The following ESR1 variants were observed in gnomAD, a reference collection of about 807,000 sequenced individuals.
ESR1 encodes the protein estrogen receptor 1, also known as estrogen receptor.
A neutral mutation model predicts 52.7 loss-of-function variants in ESR1; 12 were observed. That is an observed-to-expected ratio of 0.23 (90% CI 0.15 to 0.37). The LOEUF (loss-of-function observed/expected upper bound fraction) is 0.37. Among genes scored for constraint, ESR1 ranks in the 10% least tolerant of loss-of-function variants. The pLI is 1.00. For synonymous variants in ESR1, 305 were observed against 316.8 expected, an observed-to-expected ratio of 0.96 and a Z score of 0.39; for missense variants, 584 against 779.7, an observed-to-expected ratio of 0.75 and a Z score of 2.99.
chr6:151,931,167 G>A (rs1317352427), intron 3 of ESR1, among the ~76,000 whole-genome samples: 1 of 151,186 alleles, frequency 6.6e-6, no homozygotes, highest in African/African-American at 2.4e-5. Flanking sequence ...TTTCTTTCTG[G>A]TATTCCAATT....
chr6:152,014,186 C>A (rs1360262916), intron 5 of ESR1, among the ~76,000 whole-genome samples: 1 of 152,060 alleles, frequency 6.6e-6, no homozygotes, highest in East Asian at 1.9e-4. Flanking sequence ...TCCATTAAAC[C>A]TTTTTCTTTG....
chr6:152,066,409 C>T (rs1164004681), intron 6 of ESR1, among the ~76,000 whole-genome samples: 1 of 152,196 alleles, frequency 6.6e-6, no homozygotes, highest in African/African-American at 2.4e-5. Context: ...TGACTGTAAA[C>T]ACTGAAAATC....
chr6:151,905,279 G>C (rs1365540383), intron 3 of ESR1, among the ~76,000 whole-genome samples: 1 of 152,130 alleles, frequency 6.6e-6, no homozygotes, highest in Non-Finnish European at 1.5e-5. Context: ...GACAAAAAGA[G>C]GTATGGGCTG....
chr6:151,776,443 G>T (rs1373461706), intron 2 of ESR1, among the ~76,000 whole-genome samples: 11 of 152,238 alleles, frequency 7.2e-5, no homozygotes, highest in African/African-American at 2.7e-4. Context: ...GCTCAAGCCA[G>T]TTATGGAGCT....
Position 151,676,822 on chromosome 6 carries a change from TGCTTATCTC to T in ESR1, n.73+20060_73+20068del, listed in dbSNP as rs1778269290. ...ACATCAACAAGTCCTAGCAGATGGCTGCTTATCTCAAGACACATATATTCACCAAAATCC... is the reference window on the plus strand; with the variant it reads ...ACATCAACAAGTCCTAGCAGATGGCTAAGACACATATATTCACCAAAATCC... On this transcript the variant is annotated intron_variant and non_coding_transcript_variant, in intron 1 of 2. Transcript: ENST00000473497. Among the ~76,000 whole-genome samples, 7 of 152,162 alleles carry T rather than the reference TGCTTATCTC, an allele frequency of 4.6e-5. 1 individual carries two copies. The South Asian group carries it at 1.4e-3, about 31-fold the overall frequency.
intron 5 of ESR1, among the ~76,000 whole-genome samples, chr6:152,037,383 A>C (rs1161621125): frequency 6.6e-6 from 1 of 152,226 alleles, no homozygotes; most frequent in East Asian, 1.9e-4. Flanking sequence ...TGAAAATGCA[A>C]GTACAAATGC....
chr6:151,775,695 G>T (rs1156601019), intron 2 of ESR1, among the ~76,000 whole-genome samples: 1 of 150,376 alleles, frequency 6.6e-6, no homozygotes, highest in Non-Finnish European at 1.5e-5. Flanking sequence ...GCAGTGAGCC[G>T]AGATCGCGCC....
chr6:152,022,271 G>A (rs1050762877), intron 5 of ESR1, among the ~76,000 whole-genome samples: 1 of 152,094 alleles, frequency 6.6e-6, no homozygotes. Context: ...CCAGATTTGC[G>A]GTATTGGCGA....
chr6:151,820,813 G>A (rs1583466094), intron 1 of ESR1, among the ~76,000 whole-genome samples: 4 of 152,154 alleles, frequency 2.6e-5, no homozygotes, highest in African/African-American at 9.6e-5. Context: ...TTAAGTAGGG[G>A]GATGTTTTTC....
At chr6:151,818,844 A>G (rs1030129615) in intron 1 of ESR1, among the ~76,000 whole-genome samples, 1 of 150,844 alleles carries the variant, frequency 6.6e-6, no homozygotes, top group Non-Finnish European at 1.5e-5. Flanking sequence ...CCTGGTATAC[A>G]TATATATATA....
chr6:151,788,059 T>G (rs922294886), intron 2 of ESR1, among the ~76,000 whole-genome samples: 8 of 152,142 alleles, frequency 5.3e-5, no homozygotes, highest in Non-Finnish European at 1.2e-4. Context: ...GGCAAAAATT[T>G]CATGATGAAG....
At chr6:151,898,015 G>A (rs1795818626) in intron 3 of ESR1, among the ~76,000 whole-genome samples, 1 of 152,166 alleles carries the variant, frequency 6.6e-6, no homozygotes, top group Admixed American at 6.5e-5. Flanking sequence ...AGAAGCTGAA[G>A]ATAGGGCCCC....
chr6:152,090,064 C>T (rs529473621), intron 6 of ESR1, among the ~76,000 whole-genome samples: 11 of 152,280 alleles, frequency 7.2e-5, no homozygotes, highest in Admixed American at 5.2e-4. Context: ...GTGCCACTCC[C>T]GGAACCACAG....
chr6:151,749,102 T>C (rs1011118547), intron 2 of ESR1, among the ~76,000 whole-genome samples: 6 of 148,598 alleles, frequency 4.0e-5, no homozygotes, highest in Non-Finnish European at 7.4e-5. Flanking sequence ...GCAAGTATTA[T>C]ACAATAAGCT....
rs547356575 is a variant in ESR1 at position 151,928,346 on chromosome 6, A to G, written c.761-15827A>G. On this transcript the variant is annotated intron_variant, in intron 3 of 7. Transcript: ENST00000206249. ...AAATGATCTGGCAACAAAACACACT[A>G]TAGAGTATTGATGGTTTACCCCGAT... 1.2e-4 allele frequency among the ~76,000 whole-genome samples: 18 copies of G among 152,278 alleles called. No individual in the cohort carries two copies. In the South Asian group the frequency reaches 3.7e-3, roughly 32 times the overall value.
At chr6:151,820,043 T>C (rs1384060372) in intron 1 of ESR1, among the ~76,000 whole-genome samples, 2 of 152,008 alleles carry the variant, frequency 1.3e-5, no homozygotes, top group Non-Finnish European at 2.9e-5. Context: ...AACAGTAGAA[T>C]AAGAACTGTG....
chr6:151,767,063 C>T (rs529132356), intron 2 of ESR1, among the ~76,000 whole-genome samples: 21 of 152,242 alleles, frequency 1.4e-4, no homozygotes, highest in South Asian at 2.1e-4. Flanking sequence ...TTTTACACCA[C>T]GTATTTCTGG....
At chr6:152,033,433 A>C (rs1379261759) in intron 5 of ESR1, among the ~76,000 whole-genome samples, 6 of 152,160 alleles carry the variant, frequency 3.9e-5, no homozygotes, top group Non-Finnish European at 5.9e-5. Flanking sequence ...CAAAGAACTC[A>C]AACAAATTTA....
At chr6:151,966,391 C>T (rs1486338169) in intron 4 of ESR1, among the ~76,000 whole-genome samples, 2 of 152,080 alleles carry the variant, frequency 1.3e-5, no homozygotes, top group Non-Finnish European at 2.9e-5. Flanking sequence ...TGTAGGTCCT[C>T]AATAGGCTTT....
Sources: allele counts gnomAD v4.1 joint callset (sites outside exome capture counted in the v4.1 genomes callset), GRCh38; gene constraint gnomAD v4.1.1; transcripts MANE v1.5; gene names NCBI Gene and HGNC (gene_info 2026-07-23, HGNC 2026-07-21).